VWA3B: variants seen among roughly 807,000 people sequenced by gnomAD.
VWA3B encodes von Willebrand factor A domain-containing protein 3B.
In VWA3B, 138 loss-of-function variants were observed where a neutral mutation model predicts 158.3. The ratio of observed to expected loss-of-function variants is 0.87; its 90% CI spans 0.76 to 1.00. VWA3B has a LOEUF of 1.00. VWA3B is among the 50% of genes least tolerant of loss of function. The pLI is 0.00. For synonymous variants in VWA3B, 596 were observed against 587.3 expected, an observed-to-expected ratio of 1.01 and a Z score of -0.21; for missense variants, 1,555 against 1,565.1, an observed-to-expected ratio of 0.99 and a Z score of 0.11.
intron 8 of VWA3B, among the ~76,000 whole-genome samples, chr2:98,167,757 A>C (rs940352620): frequency 2.6e-5 from 4 of 152,202 alleles, no homozygotes; most frequent in Admixed American, 2.6e-4. Flanking sequence ...GCCATTGGAA[A>C]GAATTAGAAG....
At chr2:98,148,547 A>G (rs1353270213) in intron 7 of VWA3B, among the ~76,000 whole-genome samples, 2 of 152,230 alleles carry the variant, frequency 1.3e-5, no homozygotes, top group African/African-American at 4.8e-5. Context: ...ACTGTAATCT[A>G]TAAATCCTGC....
chr2:98,097,957 C>T (rs1293707259), intron 2 of VWA3B, among the ~76,000 whole-genome samples: 1 of 151,818 alleles, frequency 6.6e-6, no homozygotes, highest in Non-Finnish European at 1.5e-5. Context: ...TTTAATTTAC[C>T]TTTTAATTTA....
the VWA3B span, among the ~76,000 whole-genome samples, chr2:98,318,782 C>CA: frequency 6.6e-6 from 1 of 151,922 alleles, no homozygotes; most frequent in Non-Finnish European, 1.5e-5. Flanking sequence ...ACTAGGTGTC[C>CA]AAAAAAGACA....
chr2:98,274,999 G>A (rs937527104), intron 22 of VWA3B, among the ~76,000 whole-genome samples: 3 of 152,172 alleles, frequency 2.0e-5, no homozygotes, highest in Admixed American at 2.0e-4. Context: ...GTGCACCCTG[G>A]CCAGCCTATC....
intron 8 of VWA3B, among the ~76,000 whole-genome samples, chr2:98,166,978 G>A (rs890406856): frequency 2.0e-5 from 3 of 152,116 alleles, no homozygotes; most frequent in Non-Finnish European, 4.4e-5. Flanking sequence ...TCTATACCAC[G>A]TGTCCGACCT....
At position 98,234,782 on chromosome 2, in the gene VWA3B, A is replaced by C; in HGVS notation, c.2428+15A>C. ...AAGTGACAAAGGCAAGCCAGAAAGC[A>C]TCTCTGTGGCCAACCAGCCTCCCTT... On this transcript the variant is annotated intron_variant, in intron 17 of 27. Transcript: ENST00000477737. 6.2e-7 allele frequency: 1 copy of C among 1,614,104 alleles called. No homozygotes were observed. Among genetic ancestry groups the C allele is most frequent in the Non-Finnish European group, 8.5e-7 (1 of 1,179,984 alleles).
intron 2 of VWA3B, among the ~76,000 whole-genome samples, chr2:98,102,354 G>A (rs369551288): frequency 3.2e-4 from 48 of 151,888 alleles, no homozygotes; most frequent in African/African-American, 9.7e-4. Context: ...AACCGCCATC[G>A]TCATCATGGC....
intron 7 of VWA3B, among the ~76,000 whole-genome samples, chr2:98,137,314 C>T (rs1052161853): frequency 6.6e-6 from 1 of 152,136 alleles, no homozygotes; most frequent in African/African-American, 2.4e-5. Context: ...TGTTATTTTC[C>T]CTGTTTTTGA....
At chr2:98,121,271 A>G in intron 4 of VWA3B, 28 bp from the exon 5 acceptor site, 2 of 1,603,924 alleles carry the variant, frequency 1.2e-6, no homozygotes, top group African/African-American at 1.3e-5. Context: ...ATCACTGCCC[A>G]GTGACCACTC....
intron 12 of VWA3B, among the ~76,000 whole-genome samples, chr2:98,205,182 T>C (rs1042621011): frequency 7.9e-5 from 12 of 152,326 alleles, no homozygotes; most frequent in African/African-American, 2.9e-4. Context: ...TTCAGGGGCT[T>C]TTTAATTACA....
In VWA3B at chr2:98,121,430, C is replaced by T; in HGVS notation, c.674C>T (p.Ala225Val). ...GTGAGCGAGGCTGGCCGCCTGGATG[C>T]TCTGCTGGAAGCCGGGAGAGACAAG... ...LTVSEAGRLD[A>V]LLEAGRDKTI... Residue 225 changes from alanine (A) to valine (V), a missense_variant, in exon 5 of 28, where the codon GCT becomes GTT. Physicochemically the swap from Ala to Val is moderately conservative, Grantham distance 64. Transcript: ENST00000477737. 1 of 1,614,116 alleles carries T rather than the reference C, an allele frequency of 6.2e-7. No homozygotes were observed. The highest frequency in any genetic ancestry group is 1.3e-5 in the African/African-American group (1 of 75,040).
the VWA3B span, among the ~76,000 whole-genome samples, chr2:98,318,330 T>A: frequency 1.3e-5 from 2 of 152,152 alleles, no homozygotes; most frequent in African/African-American, 4.8e-5. Flanking sequence ...CAAATGCCCA[T>A]CAATGATAGA....
chr2:98,131,202 G>A (rs1263444993), intron 6 of VWA3B, among the ~76,000 whole-genome samples: 3 of 152,280 alleles, frequency 2.0e-5, no homozygotes, highest in Admixed American at 1.3e-4. Context: ...GAGAACATGC[G>A]ATATTTGGCT....
At chr2:98,095,815 G>A (rs1302337458) in intron 2 of VWA3B, among the ~76,000 whole-genome samples, 1 of 152,166 alleles carries the variant, frequency 6.6e-6, no homozygotes, top group Non-Finnish European at 1.5e-5. Context: ...TTTGTTGAGA[G>A]TTTTTATTAT....
At chr2:98,228,100 G>A (rs984678440) in intron 14 of VWA3B, 102 bp from the exon 15 acceptor site, 7 of 1,360,338 alleles carry the variant, frequency 5.1e-6, no homozygotes, top group South Asian at 1.6e-5. Flanking sequence ...ACCAGCGTGG[G>A]CAACATAGTG....
At chr2:98,118,376 C>T (rs1311315645) in intron 3 of VWA3B, among the ~76,000 whole-genome samples, 2 of 152,056 alleles carry the variant, frequency 1.3e-5, no homozygotes, top group African/African-American at 2.4e-5. Flanking sequence ...AGCCAAGCCA[C>T]AAAAATGTGG....
intron 3 of VWA3B, among the ~76,000 whole-genome samples, chr2:98,118,300 A>G (rs563769426): frequency 6.6e-6 from 1 of 152,270 alleles, no homozygotes; most frequent in Admixed American, 6.5e-5. Context: ...GAAGCCTCCA[A>G]GAAGTGATGC....
chr2:98,269,751 G>T (rs62157893), intron 21 of VWA3B, among the ~76,000 whole-genome samples: 1 of 152,216 alleles, frequency 6.6e-6, no homozygotes, highest in Middle Eastern at 3.2e-3. Flanking sequence ...TCGCAAAGGC[G>T]ATTTGGTTCA....
rs767956293 is a variant in VWA3B, at chr2:98,188,165, C to T, written c.1466+36C>T. The T allele has an allele frequency of 1.9e-6, 3 of 1,596,204 alleles. No homozygotes were observed. In the South Asian group the frequency reaches 3.4e-5, roughly 18 times the overall value. On this transcript the variant is annotated intron_variant, in intron 10 of 27. Coordinates refer to ENST00000477737, the MANE Select transcript of VWA3B (RefSeq NM_144992.5). Reference sequence around the variant, plus strand: ...TTTGCAGGAAGTTACAAGTGGTCTCCTCGCTCTGGACATTCTCATCTGCTT... The same window carrying T: ...TTTGCAGGAAGTTACAAGTGGTCTCTTCGCTCTGGACATTCTCATCTGCTT...
Sources: allele counts gnomAD v4.1 joint callset (sites outside exome capture counted in the v4.1 genomes callset), GRCh38; gene constraint gnomAD v4.1.1; transcripts MANE v1.5; gene names NCBI Gene and HGNC (gene_info 2026-07-23, HGNC 2026-07-21).